LRRC37B: variants seen among roughly 807,000 people sequenced by gnomAD.
LRRC37B encodes the protein leucine rich repeat containing 37B.
In LRRC37B, 28 loss-of-function variants were observed where a neutral mutation model predicts 98.3. The ratio of observed to expected loss-of-function variants is 0.28; its 90% CI spans 0.21 to 0.39. LRRC37B has a LOEUF of 0.39. Among genes scored for constraint, LRRC37B ranks in the 10% least tolerant of loss-of-function variants. The probability of loss-of-function intolerance (pLI) is 1.00; values close to 1 mark genes in which losing one functional copy is unlikely to be tolerated. For missense variants in LRRC37B, 938 were observed against 1,182.7 expected (o/e 0.79, Z 3.03); for synonymous variants, 364 against 442.7 (o/e 0.82, Z 2.23).
chr17:32,016,636 C>G (rs1431450176), upstream of LRRC37B, among the ~76,000 whole-genome samples: 1 of 152,210 alleles, frequency 6.6e-6, no homozygotes, highest in Non-Finnish European at 1.5e-5. Context: ...ATACAGACTA[C>G]TGAGCTTCAC....
intron 11 of LRRC37B, chr17:32,050,975 C>T (rs1030344729): frequency 3.9e-5 from 6 of 152,212 alleles, no homozygotes; most frequent in Admixed American, 1.3e-4. Flanking sequence ...ATGCTATGCT[C>T]CTAATCCAAC....
chr17:32,014,489 T>C (rs1354266219), intron 1 of LRRC37B, among the ~76,000 whole-genome samples: 1 of 152,182 alleles, frequency 6.6e-6, no homozygotes, highest in Non-Finnish European at 1.5e-5. Context: ...GAAGTTCTGC[T>C]CTAAAATAAA....
chr17:32,010,622 G>A (rs1241594871), intron 1 of LRRC37B, among the ~76,000 whole-genome samples: 3 of 152,144 alleles, frequency 2.0e-5, no homozygotes, highest in Non-Finnish European at 2.9e-5. Flanking sequence ...CATCTCAGAT[G>A]TTTATCCTTT....
chr17:32,037,222 C>A (rs1911272918), intron 7 of LRRC37B, among the ~76,000 whole-genome samples: 1 of 151,526 alleles, frequency 6.6e-6, no homozygotes. Flanking sequence ...CTCAATGGAT[C>A]CACACCCCCT....
At chr17:32,008,367 C>T (rs1598198990) in intron 1 of LRRC37B, among the ~76,000 whole-genome samples, 2 of 152,182 alleles carry the variant, frequency 1.3e-5, no homozygotes, top group Non-Finnish European at 2.9e-5. Context: ...CGCTTGCTCC[C>T]CGTCCCCCCA....
intron 7 of LRRC37B, among the ~76,000 whole-genome samples, chr17:32,038,800 A>G (rs1411820658): frequency 1.3e-5 from 2 of 151,578 alleles, no homozygotes; most frequent in East Asian, 2.0e-4. Flanking sequence ...GGAGGTTGCA[A>G]TGAGCCAAGA....
chr17:32,039,510 ATATATATATATATGTATG>A (rs1911354410), intron 7 of LRRC37B, among the ~76,000 whole-genome samples: 2 of 44,756 alleles, frequency 4.5e-5, no homozygotes, highest in Non-Finnish European at 8.1e-5. Flanking sequence ...ATATATATAT[ATATATATATATATGTATG>A]TATTTTTATA....
At chr17:32,029,627 C>G (rs1418447755) in intron 3 of LRRC37B, among the ~76,000 whole-genome samples, 1 of 151,812 alleles carries the variant, frequency 6.6e-6, no homozygotes, top group Non-Finnish European at 1.5e-5. Flanking sequence ...TCTAAACTTG[C>G]AAAAGGGAAA....
chr17:32,027,341 GTGCT>G (rs567601824), intron 2 of LRRC37B, among the ~76,000 whole-genome samples: 2 of 151,966 alleles, frequency 1.3e-5, no homozygotes, highest in South Asian at 4.2e-4. Context: ...TTGCACGTGT[GTGCT>G]TGCTTGTGTG....
At chr17:32,029,876 T>C (rs967063824) in intron 3 of LRRC37B, among the ~76,000 whole-genome samples, 79 of 152,190 alleles carry the variant, frequency 5.2e-4, no homozygotes, top group African/African-American at 1.7e-3. Context: ...ATTGATTCAG[T>C]TGGTCTAGAG....
chr17:32,045,841 TAA>T, intron 8 of LRRC37B, 23 bp downstream of exon 11: 1 of 1,590,062 alleles, frequency 6.3e-7, no homozygotes, highest in South Asian at 1.1e-5. Context: ...TGCCTGGTGA[TAA>T]ATTGTTACAT....
At chr17:32,012,488 G>A (rs1598200253) in intron 1 of LRRC37B, among the ~76,000 whole-genome samples, 1 of 152,044 alleles carries the variant, frequency 6.6e-6, no homozygotes, top group African/African-American at 2.4e-5. Flanking sequence ...AGGCCAAGGC[G>A]GGTGGATCAC....
At chr17:32,038,979 ACCT>A (rs1911328016) in intron 7 of LRRC37B, among the ~76,000 whole-genome samples, 1 of 152,148 alleles carries the variant, frequency 6.6e-6, no homozygotes, top group South Asian at 2.1e-4. Flanking sequence ...TTTGTTTCTT[ACCT>A]AAGAAATCTT....
chr17:32,023,851 C>G (rs112565866), intron 1 of LRRC37B, among the ~76,000 whole-genome samples: 1,622 of 151,354 alleles, frequency 0.011, 21 homozygotes, highest in African/African-American at 0.034. Context: ...AGAGAGAATA[C>G]GCATAAAAAG....
rs374275567 is a variant in LRRC37B at position 32,045,701 on chromosome 17, A to G, written c.2206A>G (p.Ile736Val). Residue 736 changes from isoleucine (I) to valine (V), a missense_variant and splice_region_variant, in exon 8 of 12, where the codon ATC becomes GTC. Coordinates refer to ENST00000327564, the Ensembl canonical transcript of LRRC37B. Reference sequence around the variant, plus strand: ...ATTGTTTTGTGTTTTCATCTATAGGATCTTACCTAGCCATATGGCCTGCTG... The same window carrying G: ...ATTGTTTTGTGTTTTCATCTATAGGGTCTTACCTAGCCATATGGCCTGCTG... 84 of 1,605,466 alleles carry G rather than the reference A, an allele frequency of 5.2e-5. No individual in the cohort carries two copies. Among genetic ancestry groups the G allele is most frequent in the Non-Finnish European group, 3.0e-5 (35 of 1,179,712 alleles).
exon 1 of LRRC37B, chr17:32,021,718 A>C (rs780538262): frequency 6.2e-7 from 1 of 1,614,204 alleles, no homozygotes; most frequent in East Asian, 2.2e-5. Context: ...TCGCCCAAGA[A>C]CCTGAAGAAA....
At chr17:32,027,130 A>G (rs1910977198) in intron 2 of LRRC37B, among the ~76,000 whole-genome samples, 1 of 152,236 alleles carries the variant, frequency 6.6e-6, no homozygotes, top group African/African-American at 2.4e-5. Flanking sequence ...AAAATGTTGA[A>G]TGGCTTCACT....
intron 1 of LRRC37B, among the ~76,000 whole-genome samples, chr17:32,014,674 C>T (rs985505405): frequency 6.6e-6 from 1 of 151,972 alleles, no homozygotes; most frequent in Non-Finnish European, 1.5e-5. Flanking sequence ...AAGTTAGAAC[C>T]CTGGTGAGAC....
chr17:32,021,411 G>A (rs150100100), exon 1 of LRRC37B: 2 of 1,613,742 alleles, frequency 1.2e-6, no homozygotes, highest in African/African-American at 1.3e-5. Flanking sequence ...CCTGCCTCAG[G>A]AACCAACTGA....
Sources: gnomAD v4.1 joint callset for allele counts (sites outside exome capture counted in the v4.1 genomes callset) on GRCh38, gnomAD v4.1.1 for gene constraint, MANE v1.5 for transcripts, NCBI Gene and HGNC (gene_info 2026-07-23, HGNC 2026-07-21) for gene names.